The following REDIC1 variants were observed in gnomAD, a reference collection of about 807,000 sequenced individuals.
REDIC1 encodes HEI10 Interacting Protein 1.
chr12:39,838,988 C>T, the REDIC1 span, among the ~76,000 whole-genome samples: 3 of 152,046 alleles, frequency 2.0e-5, no homozygotes. Context: ...GATCCATGGC[C>T]ACAGGTCCAA....
chr12:39,688,368 A>G, the REDIC1 span, among the ~76,000 whole-genome samples: 1 of 152,226 alleles, frequency 6.6e-6, no homozygotes, highest in African/African-American at 2.4e-5. Flanking sequence ...TAAGTTGTTT[A>G]CCAAATGGTC....
chr12:39,809,737 A>G, the REDIC1 span, among the ~76,000 whole-genome samples: 12 of 151,856 alleles, frequency 7.9e-5, no homozygotes, highest in Non-Finnish European at 1.2e-4. Flanking sequence ...GTTCCCACCT[A>G]TGAGTGAGAA....
the REDIC1 span, among the ~76,000 whole-genome samples, chr12:39,704,048 G>A: frequency 3.9e-5 from 6 of 152,110 alleles, no homozygotes; most frequent in Admixed American, 3.3e-4. Context: ...AAAAGCAATG[G>A]CAACAAAAGC....
chr12:39,884,554 A>C, the REDIC1 span, among the ~76,000 whole-genome samples: 3 of 152,262 alleles, frequency 2.0e-5, no homozygotes, highest in East Asian at 5.8e-4. Flanking sequence ...ATTAAGATAC[A>C]CTTATTCAGG....
chr12:39,836,318 C>G, the REDIC1 span, among the ~76,000 whole-genome samples: 1 of 151,996 alleles, frequency 6.6e-6, no homozygotes, highest in South Asian at 2.1e-4. Flanking sequence ...AAATTAGAGT[C>G]CAGGCAAGTA....
the REDIC1 span, among the ~76,000 whole-genome samples, chr12:39,896,576 G>GCA: frequency 1.0e-5 from 1 of 97,566 alleles, no homozygotes; most frequent in Admixed American, 1.1e-4. Flanking sequence ...ATGTATGTAT[G>GCA]TGTGTATATA....
At chr12:39,725,830 A>G in the REDIC1 span, among the ~76,000 whole-genome samples, 2 of 152,102 alleles carry the variant, frequency 1.3e-5, no homozygotes, top group South Asian at 4.1e-4. Context: ...ACACAACCGT[A>G]TGAGATAATA....
At chr12:39,817,080 T>C in the REDIC1 span, among the ~76,000 whole-genome samples, 1 of 152,200 alleles carries the variant, frequency 6.6e-6, no homozygotes, top group Admixed American at 6.5e-5. Context: ...ATCCTTCTCT[T>C]TTCATAACAG....
the REDIC1 span, among the ~76,000 whole-genome samples, chr12:39,696,471 A>T: frequency 7.7e-6 from 1 of 130,286 alleles, no homozygotes; most frequent in South Asian, 2.7e-4. Context: ...TGAACCCGGG[A>T]GGCGGAGCTT....
the REDIC1 span, among the ~76,000 whole-genome samples, chr12:39,699,825 A>G: frequency 2.0e-5 from 3 of 152,210 alleles, no homozygotes; most frequent in African/African-American, 7.2e-5. Context: ...ACCCCCAAGC[A>G]GTGGTAGACT....
the REDIC1 span, among the ~76,000 whole-genome samples, chr12:39,858,388 T>C: frequency 6.6e-6 from 1 of 152,170 alleles, no homozygotes; most frequent in African/African-American, 2.4e-5. Context: ...TCATGGTATA[T>C]TAGCTTGTGC....
At chr12:39,737,569 C>T in the REDIC1 span, among the ~76,000 whole-genome samples, 1 of 152,168 alleles carries the variant, frequency 6.6e-6, no homozygotes, top group South Asian at 2.1e-4. Flanking sequence ...GCATAATCTC[C>T]TTTAATCTCT....
At chr12:39,711,221 A>G in the REDIC1 span, among the ~76,000 whole-genome samples, 1 of 150,570 alleles carries the variant, frequency 6.6e-6, no homozygotes, top group Admixed American at 6.7e-5. Flanking sequence ...CTGCGTTTTT[A>G]ATCTACCATA....
At chr12:39,854,101 CA>C in the REDIC1 span, among the ~76,000 whole-genome samples, 54 of 136,994 alleles carry the variant, frequency 3.9e-4, no homozygotes, top group South Asian at 4.6e-4. Flanking sequence ...TTGACATAAG[CA>C]AAAAAAAAAA....
chr12:39,683,515 A>G, the REDIC1 span: 1 of 1,467,798 alleles, frequency 6.8e-7, no homozygotes, highest in African/African-American at 1.4e-5. Context: ...GGGGAATACA[A>G]ATCAGGATCT....
At chr12:39,727,612 T>C in the REDIC1 span, among the ~76,000 whole-genome samples, 1 of 152,220 alleles carries the variant, frequency 6.6e-6, no homozygotes, top group South Asian at 2.1e-4. Flanking sequence ...CGGGCTCTTT[T>C]TTGGTTCCAT....
chr12:39,678,939 G>A, the REDIC1 span, among the ~76,000 whole-genome samples: 1 of 151,832 alleles, frequency 6.6e-6, no homozygotes, highest in Non-Finnish European at 1.5e-5. Context: ...AGCATAAAAG[G>A]GACATACCTT....
chr12:39,764,845 T>C, the REDIC1 span: 1 of 1,612,032 alleles, frequency 6.2e-7, no homozygotes. Flanking sequence ...TTGAACTTGG[T>C]TTCATTTTCA....
chr12:39,657,409 A>G, the REDIC1 span, among the ~76,000 whole-genome samples: 2 of 152,216 alleles, frequency 1.3e-5, no homozygotes, highest in South Asian at 2.1e-4. Context: ...AAATTGCCTA[A>G]TGACACATTT....
Sources: allele counts gnomAD v4.1 joint callset (sites outside exome capture counted in the v4.1 genomes callset), GRCh38; gene constraint gnomAD v4.1.1; transcripts MANE v1.5; gene names NCBI Gene and HGNC (gene_info 2026-07-23, HGNC 2026-07-21).